Variants in ZFHX3 observed in about 807,000 individuals in gnomAD.
ZFHX3 encodes zinc finger homeobox protein 3.
Under a neutral mutation model 279.1 loss-of-function variants are expected in ZFHX3, and 42 were observed. That is an observed-to-expected ratio of 0.15 (90% CI 0.12 to 0.19). The LOEUF (loss-of-function observed/expected upper bound fraction) is 0.19, where lower values mean the gene tolerates loss of function less well. Ranked by LOEUF, ZFHX3 falls within the 10% of genes least tolerant of loss-of-function variation. The probability of loss-of-function intolerance (pLI) is 1.00; values close to 1 mark genes in which losing one functional copy is unlikely to be tolerated. For synonymous variants in ZFHX3, 2,293 were observed against 1,957.8 expected, an observed-to-expected ratio of 1.17 and a Z score of -4.52; for missense variants, 4,981 against 4,754.0, an observed-to-expected ratio of 1.05 and a Z score of -1.40.
intron 3 of ZFHX3, among the ~76,000 whole-genome samples, chr16:73,407,769 G>C (rs1217867210): frequency 6.6e-6 from 1 of 152,208 alleles, no homozygotes; most frequent in Non-Finnish European, 1.5e-5. Flanking sequence ...GTGAAATAAA[G>C]AGTAAACTCC....
At chr16:73,103,768 G>A (rs1229969451) in intron 7 of ZFHX3, among the ~76,000 whole-genome samples, 1 of 151,224 alleles carries the variant, frequency 6.6e-6, no homozygotes, top group Admixed American at 6.6e-5. Flanking sequence ...TCCATCTGGA[G>A]ACCTCCTATA....
At chr16:73,853,992 T>C (rs1961655293) in intron 1 of ZFHX3, among the ~76,000 whole-genome samples, 1 of 152,250 alleles carries the variant, frequency 6.6e-6, no homozygotes, top group South Asian at 2.1e-4. Context: ...CTGTCTTTGA[T>C]ACTGAAGGTT....
chr16:73,126,228 G>T (rs752179098), intron 7 of ZFHX3, among the ~76,000 whole-genome samples: 1 of 152,100 alleles, frequency 6.6e-6, no homozygotes, highest in African/African-American at 2.4e-5. Context: ...CAATCACAGC[G>T]GGGCACCAGG....
chr16:72,903,054 C>T (rs1331569798), intron 3 of ZFHX3, among the ~76,000 whole-genome samples: 1 of 151,730 alleles, frequency 6.6e-6, no homozygotes, highest in Non-Finnish European at 1.5e-5. Context: ...TGAATTCTCA[C>T]CAGGATAACC....
rs2143416791 is a variant in ZFHX3 at position 72,795,499 on chromosome 16, C to T, written c.7183G>A (p.Ala2395Thr). 1 of 1,614,092 alleles carries T rather than the reference C, an allele frequency of 6.2e-7. No homozygotes were observed. The change falls in exon 9 of 10, where the codon GCA becomes ACA. Residue 2395 changes from alanine (A) to threonine (T), a missense_variant. Coordinates refer to ENST00000268489, the MANE Select transcript of ZFHX3 (RefSeq NM_006885.4). ...PMPSQAYSAP[A>T]PSANNTASSA... ...GAAGCTGTATTATTGGCTGATGGTG[C>T]TGGGGCGCTGTAAGCCTGTGAGGGC...
intron 1 of ZFHX3, among the ~76,000 whole-genome samples, chr16:73,022,468 T>C (rs569762025): frequency 3.3e-5 from 5 of 152,240 alleles, no homozygotes; most frequent in South Asian, 2.1e-4. Flanking sequence ...TCATTCTTCG[T>C]TGGGGATGAG....
intron 1 of ZFHX3, among the ~76,000 whole-genome samples, chr16:72,988,588 C>A (rs1181534630): frequency 1.3e-5 from 2 of 152,224 alleles, no homozygotes; most frequent in Non-Finnish European, 2.9e-5. Context: ...TCCAAGTGAT[C>A]CTGATTGGAA....
chr16:73,100,487 G>A (rs1966217234), intron 7 of ZFHX3, among the ~76,000 whole-genome samples: 1 of 152,106 alleles, frequency 6.6e-6, no homozygotes, highest in South Asian at 2.1e-4. Context: ...AAGTGGCAGA[G>A]TGCAAGAAAG....
At chr16:73,366,341 T>G (rs1386477081) in intron 3 of ZFHX3, among the ~76,000 whole-genome samples, 1 of 152,120 alleles carries the variant, frequency 6.6e-6, no homozygotes, top group African/African-American at 2.4e-5. Context: ...GCACCATTTT[T>G]AAAAGGCTCA....
At chr16:73,469,445 C>T (rs2018625338) in intron 2 of ZFHX3, among the ~76,000 whole-genome samples, 1 of 152,040 alleles carries the variant, frequency 6.6e-6, no homozygotes. Flanking sequence ...TGTATATGTA[C>T]TGCCATCTTG....
At position 72,850,190 on chromosome 16, in the gene ZFHX3, T is replaced by C. The variant is rs903010222; in HGVS notation, c.3449-20331A>G. On this transcript the variant is annotated intron_variant, in intron 4 of 9. Transcript: ENST00000268489. ...TCTGCCCACCCTGGGGAAGCCTTCCTGACCCCAGCCTCCCCAAGCCACAGT... is the reference window on the plus strand; with the variant it reads ...TCTGCCCACCCTGGGGAAGCCTTCCCGACCCCAGCCTCCCCAAGCCACAGT... Among the ~76,000 whole-genome samples the C allele has an allele frequency of 6.6e-5, 10 of 152,298 alleles. No individual in the cohort carries two copies. In the East Asian group the frequency reaches 1.4e-3, roughly 21 times the overall value.
intron 1 of ZFHX3, among the ~76,000 whole-genome samples, chr16:73,685,061 C>T (rs2053067307): frequency 6.8e-6 from 1 of 148,056 alleles, no homozygotes; most frequent in Non-Finnish European, 1.5e-5. Context: ...TGTCGCCAGG[C>T]TGGAGTCCAG....
At chr16:72,935,477 A>C (rs982935309) in intron 3 of ZFHX3, among the ~76,000 whole-genome samples, 2 of 152,166 alleles carry the variant, frequency 1.3e-5, no homozygotes, top group African/African-American at 4.8e-5. Context: ...GCGGTAGCTC[A>C]CACCTGTAAT....
At chr16:72,927,020 A>G (rs1408646264) in intron 3 of ZFHX3, among the ~76,000 whole-genome samples, 2 of 152,242 alleles carry the variant, frequency 1.3e-5, no homozygotes, top group East Asian at 1.9e-4. Context: ...GAGTCCCAGC[A>G]TAGGGGCTTC....
At chr16:73,742,624 T>C (rs1443055838) in intron 1 of ZFHX3, among the ~76,000 whole-genome samples, 1 of 152,148 alleles carries the variant, frequency 6.6e-6, no homozygotes, top group Non-Finnish European at 1.5e-5. Flanking sequence ...AGAATGTGAG[T>C]TCTAGGGAAT....
intron 2 of ZFHX3, among the ~76,000 whole-genome samples, chr16:73,539,176 G>A (rs147964949): frequency 6.6e-6 from 1 of 151,578 alleles, no homozygotes; most frequent in East Asian, 1.9e-4. Context: ...AATTGAACAA[G>A]GGTATCTATG....
chr16:73,002,364 C>T (rs1228229897), intron 1 of ZFHX3, among the ~76,000 whole-genome samples: 2 of 152,086 alleles, frequency 1.3e-5, no homozygotes, highest in Non-Finnish European at 2.9e-5. Flanking sequence ...TATACCTGCC[C>T]CCTAAGTCCT....
intron 5 of ZFHX3, among the ~76,000 whole-genome samples, chr16:73,174,407 C>T (rs1967612555): frequency 6.6e-6 from 1 of 152,114 alleles, no homozygotes; most frequent in Admixed American, 6.5e-5. Flanking sequence ...ATACCTGAAA[C>T]TCTTCCAATT....
At chr16:73,359,972 C>A (rs1184912101) in intron 3 of ZFHX3, among the ~76,000 whole-genome samples, 1 of 152,060 alleles carries the variant, frequency 6.6e-6, no homozygotes, top group Non-Finnish European at 1.5e-5. Flanking sequence ...CCTGAACCTA[C>A]CTTGTTTGAG....
Sources: gnomAD v4.1 joint callset for allele counts (sites outside exome capture counted in the v4.1 genomes callset) on GRCh38, gnomAD v4.1.1 for gene constraint, MANE v1.5 for transcripts, NCBI Gene and HGNC (gene_info 2026-07-23, HGNC 2026-07-21) for gene names.